SOS1: variants seen among roughly 807,000 people sequenced by gnomAD.
SOS1 encodes the protein son of sevenless homolog 1.
SOS1 carries 25 observed loss-of-function variants against 157.6 expected under a neutral mutation model. The observed-to-expected ratio is 0.16, with a 90% CI of 0.12 to 0.22. The LOEUF (loss-of-function observed/expected upper bound fraction) is 0.22, where lower values mean the gene tolerates loss of function less well. SOS1 is among the 10% of genes least tolerant of loss of function. The pLI is 1.00. For synonymous variants in SOS1, 528 were observed against 534.0 expected (o/e 0.99, Z 0.16); for missense variants, 1,237 against 1,599.1 (o/e 0.77, Z 3.86).
At chr2:39,124,516 T>G (rs1353969307), upstream of SOS1, among the ~76,000 whole-genome samples, 2 of 152,204 alleles carry the variant, frequency 1.3e-5, no homozygotes, top group Non-Finnish European at 2.9e-5. Flanking sequence ...GGGGTGGGCG[T>G]TTGGCCCTTC....
intron 8 of SOS1, among the ~76,000 whole-genome samples, chr2:39,027,872 A>C (rs1024285479): frequency 6.7e-6 from 1 of 148,608 alleles, no homozygotes; most frequent in African/African-American, 2.5e-5. Context: ...TCTGTCTCCC[A>C]GGCTGGAGTG....
chr2:39,087,122 T>C (rs942478846), intron 1 of SOS1, among the ~76,000 whole-genome samples: 1 of 152,158 alleles, frequency 6.6e-6, no homozygotes, highest in Admixed American at 6.6e-5. Context: ...TGACAGTTTT[T>C]GAAAATTATA....
At chr2:39,092,420 A>T (rs1180761862) in intron 1 of SOS1, among the ~76,000 whole-genome samples, 1 of 152,154 alleles carries the variant, frequency 6.6e-6, no homozygotes. Context: ...GTCTCTTCTC[A>T]AATGTCACCT....
At chr2:39,065,974 A>G (rs1671575743) in intron 2 of SOS1, among the ~76,000 whole-genome samples, 1 of 152,234 alleles carries the variant, frequency 6.6e-6, no homozygotes, top group Non-Finnish European at 1.5e-5. Context: ...GCATAATACT[A>G]TATAGCAAAC....
chr2:38,994,156 TATCTC>T (rs1203044617), intron 20 of SOS1, among the ~76,000 whole-genome samples: 1 of 152,184 alleles, frequency 6.6e-6, no homozygotes, highest in African/African-American at 2.4e-5. Context: ...GAATGTAAAA[TATCTC>T]AATCATAAAT....
chr2:39,054,812 A>G lies in SOS1; in HGVS notation c.522T>C (p.Asp174=). 1 of 1,405,588 alleles carries G rather than the reference A, an allele frequency of 7.1e-7. No individual in the cohort carries two copies. The highest frequency in any genetic ancestry group is 1.4e-5 in the African/African-American group (1 of 70,942). 87.1% of individuals were successfully genotyped at this position (1,405,588 alleles called of 1,614,324 possible). ...TATCTTCTACATCTTGATGAAACAT[A>G]TCCATCAATACCTATACAGTCAGAG... The part of the protein sequence containing the change: ...VAMCADKVLM[D]MFHQDVEDIN... The change falls in exon 5 of 23, where the codon GAT becomes GAC. Residue 174 remains aspartate, a synonymous_variant. Coordinates refer to ENST00000402219, the MANE Select transcript of SOS1 (RefSeq NM_005633.4).
chr2:39,077,752 G>A (rs187309492), intron 1 of SOS1, among the ~76,000 whole-genome samples: 8 of 152,250 alleles, frequency 5.3e-5, no homozygotes, highest in Admixed American at 2.6e-4. Flanking sequence ...AATATATAGT[G>A]CTAGGACATT....
chr2:39,007,132 T>C lies in SOS1; in HGVS notation c.2572A>G (p.Ile858Val), dbSNP rs1182574388. 1 of 1,605,022 alleles carries C rather than the reference T, an allele frequency of 6.2e-7. No homozygotes were observed. The highest frequency in any genetic ancestry group is 1.1e-5 in the South Asian group (1 of 90,898). ...TTCAACTCTTGAAAGACTTGTAGAA[T>C]CTCAATAATTCGACTCACCACAGCT... is the stretch of plus-strand genomic sequence containing the variant. ...RVAVVSRIIE[I>V]LQVFQELNNF... Residue 858 changes from isoleucine (I) to valine (V), a missense_variant, in exon 16 of 23, where the codon ATT becomes GTT. Ile to Val is a conservative substitution (Grantham distance 29, BLOSUM62 3). Coordinates refer to ENST00000402219, the MANE Select transcript of SOS1 (RefSeq NM_005633.4).
chr2:39,020,183 G>A (rs537001000), intron 10 of SOS1, among the ~76,000 whole-genome samples: 63 of 151,632 alleles, frequency 4.2e-4, no homozygotes, highest in Non-Finnish European at 6.5e-4. Flanking sequence ...TGTCTACAAA[G>A]TGAAGGCTTG....
chr2:39,115,406 CTTTTTTTT>C (rs550526461), intron 1 of SOS1, among the ~76,000 whole-genome samples: 33 of 64,064 alleles, frequency 5.2e-4, no homozygotes, highest in African/African-American at 1.2e-3. Flanking sequence ...TGTTCTCTCT[CTTTTTTTT>C]TTTTTTTTTT....
intron 10 of SOS1, 30 bp from the exon 11 acceptor site, chr2:39,014,876 A>G (rs2124520356): frequency 9.1e-7 from 1 of 1,096,998 alleles, no homozygotes; most frequent in Non-Finnish European, 1.4e-6. Flanking sequence ...ATATCTTATT[A>G]AACTCTATGA....
intron 22 of SOS1, among the ~76,000 whole-genome samples, chr2:38,986,809 T>G (rs1052732681): frequency 6.6e-6 from 1 of 152,182 alleles, no homozygotes; most frequent in Non-Finnish European, 1.5e-5. Context: ...CAATCTAAGA[T>G]CATTTCTAAT....
At chr2:39,049,395 GTCTTTTGATA>G (rs1383769181) in intron 6 of SOS1, among the ~76,000 whole-genome samples, 1 of 152,104 alleles carries the variant, frequency 6.6e-6, no homozygotes, top group Non-Finnish European at 1.5e-5. Flanking sequence ...CGAAATCTCT[GTCTTTTGATA>G]TCTAGAAATC....
At chr2:39,020,064 A>G (rs1464671756) in intron 10 of SOS1, among the ~76,000 whole-genome samples, 4 of 151,696 alleles carry the variant, frequency 2.6e-5, no homozygotes, top group African/African-American at 9.7e-5. Flanking sequence ...GTAACATGGT[A>G]GAAAATATAC....
At chr2:39,045,307 A>G (rs2124584614) in intron 6 of SOS1, among the ~76,000 whole-genome samples, 1 of 60,298 alleles carries the variant, frequency 1.7e-5, no homozygotes, top group Non-Finnish European at 3.8e-5. Context: ...TGTGTGTAAA[A>G]TCAAATGTGT....
At chr2:38,994,225 T>G (rs898960769) in intron 20 of SOS1, among the ~76,000 whole-genome samples, 1 of 152,236 alleles carries the variant, frequency 6.6e-6, no homozygotes, top group Non-Finnish European at 1.5e-5. Flanking sequence ...CTGGGTTAAA[T>G]AAAATGTATT....
At chr2:39,013,092 T>A (rs553223783) in intron 13 of SOS1, among the ~76,000 whole-genome samples, 2 of 152,244 alleles carry the variant, frequency 1.3e-5, no homozygotes, top group African/African-American at 4.8e-5. Flanking sequence ...CTCAATTTAA[T>A]CCACTCTGCT....
intron 17 of SOS1, among the ~76,000 whole-genome samples, chr2:39,005,157 G>A (rs1669244960): frequency 6.6e-6 from 1 of 152,050 alleles, no homozygotes; most frequent in South Asian, 2.1e-4. Context: ...TTATAAATTA[G>A]GCACAGTAAG....
chr2:39,005,284 G>A (rs191033631), intron 17 of SOS1, among the ~76,000 whole-genome samples: 3 of 152,234 alleles, frequency 2.0e-5, no homozygotes, highest in East Asian at 1.9e-4. Context: ...CCGTGGAGAT[G>A]GGAGCACTAC....
Sources: gnomAD v4.1 joint callset for allele counts (sites outside exome capture counted in the v4.1 genomes callset) on GRCh38, gnomAD v4.1.1 for gene constraint, MANE v1.5 for transcripts, NCBI Gene and HGNC (gene_info 2026-07-23, HGNC 2026-07-21) for gene names.